The following CISD2 variants were observed in gnomAD, a reference collection of about 807,000 sequenced individuals.
CISD2 encodes CDGSH iron-sulfur domain-containing protein 2.
In CISD2, 1 loss-of-function variant was observed where a neutral mutation model predicts 12.9. The observed-to-expected ratio is 0.08, with a 90% confidence interval of 0.03 to 0.37. The LOEUF (loss-of-function observed/expected upper bound fraction) is 0.37. CISD2 is among the 10% of genes least tolerant of loss of function. CISD2 has a pLI of 0.99. For missense variants in CISD2, 97 were observed against 163.1 expected, an observed-to-expected ratio of 0.59 and a Z score of 2.21; for synonymous variants, 50 against 60.6, an observed-to-expected ratio of 0.83 and a Z score of 0.81.
chr4:102,870,691 C>A (rs963593692), intron 1 of CISD2, among the ~76,000 whole-genome samples: 3 of 152,102 alleles, frequency 2.0e-5, no homozygotes, highest in Non-Finnish European at 4.4e-5. Flanking sequence ...ATCTTTTGAT[C>A]CTACCAGTTT....
chr4:102,874,560 G>A (rs1733546936), intron 1 of CISD2: 1 of 152,190 alleles, frequency 6.6e-6, no homozygotes, highest in African/African-American at 2.4e-5. Context: ...TGGAGGCAGA[G>A]ATTGGGGTGA....
chr4:102,882,598 G>A (rs1053741952), intron 1 of CISD2, among the ~76,000 whole-genome samples: 1 of 152,190 alleles, frequency 6.6e-6, no homozygotes, highest in East Asian at 1.9e-4. Flanking sequence ...TAATGGAAAT[G>A]TTCTCTGTAC....
chr4:102,880,336 A>T (rs1210301239), intron 1 of CISD2, among the ~76,000 whole-genome samples: 2 of 152,186 alleles, frequency 1.3e-5, no homozygotes, highest in African/African-American at 4.8e-5. Flanking sequence ...GAGTTGGGGA[A>T]ATAATATAAT....
chr4:102,872,685 T>C (rs1300461788), intron 1 of CISD2, among the ~76,000 whole-genome samples: 2 of 151,950 alleles, frequency 1.3e-5, no homozygotes, highest in Non-Finnish European at 2.9e-5. Flanking sequence ...TTAGCTATTA[T>C]TAAAAAATGT....
chr4:102,869,253 A>G, intron 1 of CISD2, 66 bp downstream of exon 1: 2 of 1,546,062 alleles, frequency 1.3e-6, no homozygotes, highest in South Asian at 1.2e-5. Flanking sequence ...GGAGGCGTAA[A>G]AATCCTAGGG....
intron 1 of CISD2, among the ~76,000 whole-genome samples, chr4:102,871,199 A>C (rs1210847401): frequency 2.0e-5 from 3 of 152,228 alleles, no homozygotes; most frequent in Non-Finnish European, 4.4e-5. Context: ...AGAAAATTAG[A>C]AAGTATGAAA....
At chr4:102,873,594 G>A (rs908654682) in intron 1 of CISD2, among the ~76,000 whole-genome samples, 2 of 151,952 alleles carry the variant, frequency 1.3e-5, no homozygotes, top group Non-Finnish European at 2.9e-5. Flanking sequence ...TTTCTCTGAT[G>A]GTGCTGGTTC....
chr4:102,879,366 G>C (rs7670621), intron 1 of CISD2, among the ~76,000 whole-genome samples: 2,477 of 152,124 alleles, frequency 0.016, 63 homozygotes, highest in African/African-American at 0.053. Flanking sequence ...AAATCAGAAG[G>C]GGGGGATTGA....
rs949792141 is a variant in CISD2, at chr4:102,869,537, C to A, written c.103+350C>A. 3 of 701,920 alleles carry A rather than the reference C, an allele frequency of 4.3e-6. No individual in the cohort carries two copies. The African/African-American group carries it at 5.2e-5, about 12-fold the overall frequency. The allele number at this position is 701,920 out of a possible 1,614,324, so 43.5% of individuals were successfully genotyped here. On this transcript the variant is annotated intron_variant, in intron 1 of 2. Coordinates refer to ENST00000273986, the MANE Select transcript of CISD2 (RefSeq NM_001008388.5). ...TGTAGCGTACTTGTTTATTTTAAAG[C>A]GGGCTAAGTCGTCGTTATCTAAGGC...
chr4:102,875,728 A>G (rs922397044), intron 1 of CISD2, among the ~76,000 whole-genome samples: 3 of 152,168 alleles, frequency 2.0e-5, no homozygotes, highest in East Asian at 1.9e-4. Context: ...TTAGTTGGGG[A>G]GGAGACAAAT....
At chr4:102,885,518 A>G in intron 2 of CISD2, 88 bp downstream of exon 2, 1 of 1,014,510 alleles carries the variant, frequency 9.9e-7, no homozygotes, top group Admixed American at 1.9e-5. Flanking sequence ...GTTCTTTAAG[A>G]TGAGAGAATT....
chr4:102,888,950 CTTTTTA>C lies in CISD2; in HGVS notation c.*1522_*1527del, dbSNP rs1299006434. 1 of 152,180 alleles carries C rather than the reference CTTTTTA, an allele frequency of 6.6e-6. No individual in the cohort carries two copies. The highest frequency in any genetic ancestry group is 1.9e-4 in the East Asian group (1 of 5,204). 9.4% of individuals were successfully genotyped at this position (152,180 alleles called of 1,614,324 possible). A position where few individuals can be genotyped will look rare whatever the true frequency, so the allele number is the denominator to read the frequency against. On this transcript the variant is annotated 3_prime_UTR_variant, in exon 3 of 3. Transcript: ENST00000273986. ...CAGTTTATTCAGTTCACTTTGCTTT[CTTTTTA>C]TAAGAATGTACAAGAGGCAGACAGA...
At chr4:102,885,186 C>A in intron 1 of CISD2, 30 bp from the exon 2 acceptor site, 4 of 1,549,626 alleles carry the variant, frequency 2.6e-6, no homozygotes, top group Non-Finnish European at 3.6e-6. Flanking sequence ...TCCAAGAGCA[C>A]TGCAGATTCT....
At chr4:102,880,161 C>T (rs1047425542) in intron 1 of CISD2, among the ~76,000 whole-genome samples, 1 of 152,024 alleles carries the variant, frequency 6.6e-6, no homozygotes, top group Non-Finnish European at 1.5e-5. Flanking sequence ...CCAGGCTGGT[C>T]ACGAACTCCT....
Position 102,878,713 on chromosome 4 carries a change from C to T in CISD2, c.104-6503C>T, listed in dbSNP as rs1224222188. Among the ~76,000 whole-genome samples the T allele has an allele frequency of 2.0e-5, 3 of 152,184 alleles. 1 individual carries two copies. Among genetic ancestry groups the T allele is most frequent in the South Asian group, 2.1e-4 (1 of 4,832 alleles). ...TTGGTCAAAACCATTCAATAAGTCT[C>T]TAGGAAGTTCCAGACTTTCCCACAT... On this transcript the variant is annotated intron_variant, in intron 1 of 2. Transcript: ENST00000273986.
At chr4:102,886,958 T>A (rs1409866995) in intron 2 of CISD2, among the ~76,000 whole-genome samples, 2 of 152,150 alleles carry the variant, frequency 1.3e-5, no homozygotes, top group Non-Finnish European at 2.9e-5. Flanking sequence ...ATGCATGAGT[T>A]TTATAGCAAG....
chr4:102,869,151 G>A lies in CISD2; in HGVS notation c.67G>A (p.Val23Ile). Reference sequence around the variant, plus strand: ...CCCTGCATATCTGAAGCGGCTCCCAGTCCCTGAAAGCATTACCGGGTTCGC... The same window carrying A: ...CCCTGCATATCTGAAGCGGCTCCCAATCCCTGAAAGCATTACCGGGTTCGC... ...QLPAYLKRLP[V>I]PESITGFARL... The change falls in exon 1 of 3, where the codon GTC becomes ATC. Residue 23 changes from valine (V) to isoleucine (I), a missense_variant. Around this residue, in one of 2 missense-constraint regions of CISD2, gnomAD observed 89 missense variants for 114.4 expected, o/e 0.78. Transcript: ENST00000273986. The A allele has an allele frequency of 6.2e-7, 1 of 1,612,436 alleles. No homozygotes were observed. The highest frequency in any genetic ancestry group is 8.5e-7 in the Non-Finnish European group (1 of 1,179,402).
intron 1 of CISD2, 109 bp from the exon 2 acceptor site, chr4:102,885,107 G>C: frequency 1.1e-6 from 1 of 879,642 alleles, no homozygotes; most frequent in Non-Finnish European, 1.9e-6. Flanking sequence ...CCATTAAAAA[G>C]GAATTAATGT....
In CISD2 at chr4:102,889,025, T is replaced by C. The variant is rs958017953; in HGVS notation, c.*1595T>C. ...AAAACTAATTGTTATTGGGCACTTGTATGTACCAGACACTACACTAAGCAT... is the reference window on the plus strand; with the variant it reads ...AAAACTAATTGTTATTGGGCACTTGCATGTACCAGACACTACACTAAGCAT... On this transcript the variant is annotated 3_prime_UTR_variant, in exon 3 of 3. Transcript: ENST00000273986. 3 of 152,258 alleles carry C rather than the reference T, an allele frequency of 2.0e-5. No homozygotes were observed. Among genetic ancestry groups the C allele is most frequent in the African/African-American group, 7.2e-5 (3 of 41,470 alleles). The allele number at this position is 152,258 out of a possible 1,614,324, so 9.4% of individuals were successfully genotyped here.
Sources: gnomAD v4.1 joint callset for allele counts (sites outside exome capture counted in the v4.1 genomes callset) on GRCh38, gnomAD v4.1.1 for gene constraint, gnomAD v4.1.1 regional missense constraint, MANE v1.5 for transcripts, NCBI Gene and HGNC (gene_info 2026-07-23, HGNC 2026-07-21) for gene names.